Variants in KATNIP observed in about 807,000 individuals in gnomAD.
KATNIP encodes katanin interacting protein.
Under a neutral mutation model 174.0 loss-of-function variants are expected in KATNIP, and 126 were observed. The observed-to-expected ratio is 0.72, with a 90% CI of 0.63 to 0.84. The LOEUF (loss-of-function observed/expected upper bound fraction) is 0.84, where lower values mean the gene tolerates loss of function less well. Among genes scored for constraint, KATNIP ranks in the 40% least tolerant of loss-of-function variants. The pLI is 0.00. For missense variants in KATNIP, 1,958 were observed against 2,109.7 expected (o/e 0.93, Z 1.41); for synonymous variants, 810 against 835.7 (o/e 0.97, Z 0.53).
chr16:27,572,163 C>T (rs1203612674), intron 1 of KATNIP, among the ~76,000 whole-genome samples: 2 of 152,018 alleles, frequency 1.3e-5, no homozygotes, highest in Non-Finnish European at 2.9e-5. Context: ...TGCCTGTAAT[C>T]CCAGCACTTT....
intron 8 of KATNIP, among the ~76,000 whole-genome samples, chr16:27,697,484 G>T (rs2078954169): frequency 6.6e-6 from 1 of 151,898 alleles, no homozygotes; most frequent in Admixed American, 6.6e-5. Flanking sequence ...ACATTGTAAG[G>T]ATAGTACACT....
At chr16:27,671,009 T>G (rs1038083433) in intron 6 of KATNIP, among the ~76,000 whole-genome samples, 83 of 152,108 alleles carry the variant, frequency 5.5e-4, no homozygotes, top group African/African-American at 2.0e-3. Flanking sequence ...CTAGCCAATG[T>G]GGGGAAACTC....
At chr16:27,555,558 G>A (rs753933538) in intron 1 of KATNIP, among the ~76,000 whole-genome samples, 5 of 152,172 alleles carry the variant, frequency 3.3e-5, no homozygotes, top group Non-Finnish European at 7.3e-5. Flanking sequence ...TTCCTGGCTG[G>A]GCGCGGTGGC....
At chr16:27,682,864 A>G (rs1229124914) in intron 8 of KATNIP, among the ~76,000 whole-genome samples, 1 of 152,106 alleles carries the variant, frequency 6.6e-6, no homozygotes, top group Non-Finnish European at 1.5e-5. Flanking sequence ...AAGGGTTATC[A>G]TGGGAGTGGG....
At chr16:27,773,506 G>A (rs1235326919) in intron 23 of KATNIP, among the ~76,000 whole-genome samples, 1 of 152,196 alleles carries the variant, frequency 6.6e-6, no homozygotes, top group East Asian at 1.9e-4. Context: ...AGATACTTTG[G>A]AGTTCCAAAG....
chr16:27,740,649 G>A lies in KATNIP; in HGVS notation c.2352G>A (p.Trp784Ter). 1.2e-6 allele frequency: 2 copies of A among 1,614,200 alleles called. No individual in the cohort carries two copies. The highest frequency in any genetic ancestry group is 1.7e-6 in the Non-Finnish European group (2 of 1,180,028). The change falls in exon 15 of 28, where the codon TGG (tryptophan) becomes TGA (stop). Residue 784 changes from tryptophan to a stop codon, truncating the protein, a stop_gained. Transcript: ENST00000261588. LOFTEE classifies it high-confidence loss of function. ...TTAGTCCCGAGAAGCCCCTGGCCTG[G>A]AAGGGCAGGCTCCCATCAGACGATG... ...LWLSPEKPLA[W>*]KGRLPSDDVI...
chr16:27,664,591 T>C (rs1412808216), intron 6 of KATNIP, among the ~76,000 whole-genome samples: 3 of 152,228 alleles, frequency 2.0e-5, no homozygotes, highest in Non-Finnish European at 1.5e-5. Context: ...CTCATACTCA[T>C]TAGCAAACCA....
chr16:27,585,570 A>G (rs78460767), intron 2 of KATNIP, among the ~76,000 whole-genome samples: 180 of 152,298 alleles, frequency 1.2e-3, no homozygotes, highest in African/African-American at 3.8e-3. Flanking sequence ...CACACACACA[A>G]TGGAGTCCTG....
chr16:27,614,043 A>G (rs374139358), intron 2 of KATNIP, among the ~76,000 whole-genome samples: 2 of 151,394 alleles, frequency 1.3e-5, no homozygotes, highest in African/African-American at 4.9e-5. Context: ...AGCCTCCCAC[A>G]TAGCTAGGAC....
At chr16:27,612,175 T>A (rs553512141) in intron 2 of KATNIP, among the ~76,000 whole-genome samples, 1 of 152,264 alleles carries the variant, frequency 6.6e-6, no homozygotes, top group African/African-American at 2.4e-5. Flanking sequence ...CTGTGCTAAA[T>A]CCTTTCCACT....
intron 14 of KATNIP, among the ~76,000 whole-genome samples, chr16:27,738,190 A>G (rs1295274972): frequency 3.3e-5 from 5 of 152,222 alleles, no homozygotes; most frequent in African/African-American, 9.6e-5. Flanking sequence ...TACATGCAAC[A>G]TGATTCCTTT....
At position 27,774,957 on chromosome 16, in the gene KATNIP, T is replaced by C. The variant is rs1476400822; in HGVS notation, c.4322T>C (p.Phe1441Ser). 6 of 1,613,698 alleles carry C rather than the reference T, an allele frequency of 3.7e-6. No homozygotes were observed. The highest frequency in any genetic ancestry group is 5.1e-6 in the Non-Finnish European group (6 of 1,179,916). The change falls in exon 24 of 28, where the codon TTC becomes TCC. Residue 1441 changes from phenylalanine to serine, a missense_variant. Physicochemically the swap from Phe to Ser is radical, Grantham distance 155. This residue lies in a region of KATNIP where 383 missense variants were observed against 456.0 expected (regional missense o/e 0.84). Transcript: ENST00000261588. The stretch of plus-strand genomic sequence containing the variant: ...GACGTCTCCTCAGATATTGCGGCCT[T>C]CCCCGACAGCGTGAACTCCCTGGAG... ...IPLSENNIAA[F>S]PDSVNSLEGV...
chr16:27,640,901 C>T (rs1388897803), intron 5 of KATNIP, among the ~76,000 whole-genome samples: 2 of 151,890 alleles, frequency 1.3e-5, no homozygotes, highest in Non-Finnish European at 2.9e-5. Flanking sequence ...TTTGGGGGGC[C>T]GAGATGGGTG....
chr16:27,741,953 T>G (rs934289142), intron 15 of KATNIP, among the ~76,000 whole-genome samples: 3 of 152,150 alleles, frequency 2.0e-5, no homozygotes, highest in African/African-American at 7.2e-5. Context: ...TCTTTACTTT[T>G]TTCAAGAGAA....
intron 23 of KATNIP, 86 bp from the exon 24 acceptor site, chr16:27,774,859 T>C (rs955872425): frequency 6.6e-7 from 1 of 1,510,756 alleles, no homozygotes; most frequent in Admixed American, 1.8e-5. Context: ...AGCCCCAGAG[T>C]CCCCCGAGCC....
At chr16:27,739,493 C>T (rs936207369) in intron 14 of KATNIP, among the ~76,000 whole-genome samples, 1 of 152,164 alleles carries the variant, frequency 6.6e-6, no homozygotes, top group Non-Finnish European at 1.5e-5. Context: ...CGACTTGCAC[C>T]CGAGTCCTTG....
intron 6 of KATNIP, among the ~76,000 whole-genome samples, chr16:27,656,039 A>AT (rs1242547766): frequency 6.6e-6 from 1 of 152,202 alleles, no homozygotes; most frequent in African/African-American, 2.4e-5. Flanking sequence ...TGGATGAAAA[A>AT]TGTTTTTCAA....
At chr16:27,622,813 G>C (rs997191976) in intron 3 of KATNIP, among the ~76,000 whole-genome samples, 2 of 152,162 alleles carry the variant, frequency 1.3e-5, no homozygotes, top group Admixed American at 6.5e-5. Context: ...CTATCCTTTT[G>C]TCCTCATGGC....
intron 19 of KATNIP, among the ~76,000 whole-genome samples, chr16:27,765,175 G>A (rs2082079637): frequency 1.3e-5 from 2 of 152,208 alleles, no homozygotes; most frequent in African/African-American, 2.4e-5. Flanking sequence ...GCTGCCAGCT[G>A]GGCCCTTTTT....
Sources: gnomAD v4.1 joint callset for allele counts (sites outside exome capture counted in the v4.1 genomes callset) on GRCh38, gnomAD v4.1.1 for gene constraint, gnomAD v4.1.1 regional missense constraint, MANE v1.5 for transcripts, NCBI Gene and HGNC (gene_info 2026-07-23, HGNC 2026-07-21) for gene names.